BCL9L: variants seen among roughly 807,000 people sequenced by gnomAD.
BCL9L encodes BCL9 like.
A neutral mutation model predicts 99.4 loss-of-function variants in BCL9L; 19 were observed. The observed-to-expected ratio is 0.19, with a 90% CI of 0.13 to 0.28. BCL9L has a LOEUF of 0.28. Ranked by LOEUF, BCL9L falls within the 10% of genes least tolerant of loss-of-function variation. The pLI is 1.00. For missense variants in BCL9L, 2,023 were observed against 2,101.6 expected, an observed-to-expected ratio of 0.96 and a Z score of 0.73; for synonymous variants, 900 against 854.8, an observed-to-expected ratio of 1.05 and a Z score of -0.92.
chr11:118,899,292 C>G lies in BCL9L; in HGVS notation c.3623G>C (p.Gly1208Ala). Residue 1208 changes from glycine to alanine, a missense_variant, in exon 10 of 10, where the codon GGC becomes GCC. By Grantham distance (60) the Gly-to-Ala change is moderately conservative. Coordinates refer to ENST00000683865, the MANE Select transcript of BCL9L (RefSeq NM_001378213.1). ...PQNSMMMAPG[G>A]PDSLNAPCGP... ...ACAGGGGGCATTCAGGGAGTCGGGG[C>G]CCCCTGGGGCCATCATCATGGAGTT... The G allele has an allele frequency of 6.6e-7, 1 of 1,526,420 alleles. No individual in the cohort carries two copies. Among genetic ancestry groups the G allele is most frequent in the Non-Finnish European group, 8.8e-7 (1 of 1,137,618 alleles). The allele number at this position is 1,526,420 out of a possible 1,614,324, so 94.6% of individuals were successfully genotyped here.
intron 2 of BCL9L, among the ~76,000 whole-genome samples, chr11:118,917,370 T>C (rs2134436987): frequency 6.6e-6 from 1 of 152,324 alleles, no homozygotes; most frequent in East Asian, 1.9e-4. Context: ...TTCACGTGCA[T>C]CCTCTAGTTT....
chr11:118,923,818 C>T (rs1479196404), intron 1 of BCL9L, among the ~76,000 whole-genome samples: 3 of 152,190 alleles, frequency 2.0e-5, no homozygotes, highest in African/African-American at 7.2e-5. Flanking sequence ...CTGGGGGAGG[C>T]GGCACCTTCC....
Position 118,908,368 on chromosome 11 carries a change from C to T in BCL9L, c.314G>A (p.Ser105Asn), listed in dbSNP as rs376157980. ...KNPQAGVPPF[S>N]SLKGKVKRDR... Reference sequence around the variant, plus strand: ...CCTCTTCACCTTGCCCTTGAGCGAGCTGAAAGGGGGCACCCCTGCCTGGGG... The same window carrying T: ...CCTCTTCACCTTGCCCTTGAGCGAGTTGAAAGGGGGCACCCCTGCCTGGGG... Residue 105 changes from serine to asparagine, a missense_variant, in exon 4 of 10, where the codon AGC becomes AAC. Physicochemically the swap from Ser to Asn is conservative, Grantham distance 46. Transcript: ENST00000683865. The T allele has an allele frequency of 6.2e-7, 1 of 1,613,734 alleles. No homozygotes were observed. The highest frequency in any genetic ancestry group is 1.7e-5 in the Admixed American group (1 of 59,968).
intron 3 of BCL9L, 122 bp from the exon 4 acceptor site, chr11:118,908,777 C>A: frequency 1.4e-6 from 1 of 728,130 alleles, no homozygotes; most frequent in Non-Finnish European, 2.2e-6. Context: ...GGGGTGGTAT[C>A]TCAAGACCAC....
Position 118,921,944 on chromosome 11 carries a change from C to T in BCL9L, c.-130-3065G>A, listed in dbSNP as rs1485514409. ...GGAGTCAGGGGTCTTCCACAGGTTC[C>T]AGGACCCCCCACACTCAGAGCAGGC... On this transcript the variant is annotated intron_variant, in intron 1 of 9. Coordinates refer to ENST00000683865, the MANE Select transcript of BCL9L (RefSeq NM_001378213.1). The surrounding 1 kb of genome is among the most constrained non-coding windows in gnomAD (Gnocchi z 5.4). Among the ~76,000 whole-genome samples, 1 of 152,120 alleles carries T rather than the reference C, an allele frequency of 6.6e-6. No homozygotes were observed. Among genetic ancestry groups the T allele is most frequent in the East Asian group, 1.9e-4 (1 of 5,196 alleles).
rs60294474 is a variant in BCL9L at position 118,925,580 on chromosome 11, CT to C, written c.-474del. On this transcript the variant is annotated 5_prime_UTR_variant, in exon 1 of 10. Coordinates refer to ENST00000683865, the MANE Select transcript of BCL9L (RefSeq NM_001378213.1). The surrounding 1 kb of genome is among the most constrained non-coding windows in gnomAD (Gnocchi z 6.4). ...GCTCCGGCTCCTGCTCCTGCTCCTC[CT>C]TCCCTTGCTTGCTTGCTTGCTTCCT... The C allele has an allele frequency of 0.92, 138,471 of 150,506 alleles. 63,232 individuals carry two copies. The highest frequency in any genetic ancestry group is 0.95 in the South Asian group (4,578 of 4,802). The allele number at this position is 150,506 out of a possible 1,614,324, so 9.3% of individuals were successfully genotyped here.
At position 118,908,290 on chromosome 11, in the gene BCL9L, G is replaced by A. The variant is rs927232835; in HGVS notation, c.392C>T (p.Ser131Phe). 1 of 1,559,448 alleles carries A rather than the reference G, an allele frequency of 6.4e-7. No homozygotes were observed. The highest frequency in any genetic ancestry group is 1.4e-5 in the African/African-American group (1 of 73,504). ...SGEQREAGTP[S>F]LDSEAKEVAP... ...GGTACCTTTGGCCTCTGAATCCAGG[G>A]ATGGGGTCCCAGCCTCTCGCTGCTC... The change falls in exon 4 of 10, where the codon TCC (serine) becomes TTC (phenylalanine). Residue 131 changes from serine (S) to phenylalanine (F), a missense_variant. Around this residue, in one of 3 missense-constraint regions of BCL9L, gnomAD observed 1,116 missense variants for 1,194.6 expected, o/e 0.93. Transcript: ENST00000683865.
chr11:118,907,715 C>T, intron 4 of BCL9L, 113 bp from the exon 5 acceptor site: 1 of 1,485,284 alleles, frequency 6.7e-7, no homozygotes, highest in Non-Finnish European at 9.0e-7. Context: ...GAGGGCACTG[C>T]CCAGGCCATG....
intron 3 of BCL9L, among the ~76,000 whole-genome samples, chr11:118,909,377 C>T (rs565132114): frequency 5.9e-5 from 9 of 152,342 alleles, no homozygotes; most frequent in Admixed American, 2.6e-4. Flanking sequence ...TCCCCCTCCC[C>T]GGAGACCTAT....
Position 118,898,305 on chromosome 11 carries a change from C to G in BCL9L, c.*110G>C. On this transcript the variant is annotated 3_prime_UTR_variant, in exon 10 of 10. Coordinates refer to ENST00000683865, the MANE Select transcript of BCL9L (RefSeq NM_001378213.1). Reference sequence around the variant, plus strand: ...CACTCCCTACACAAGCCCCCTCCCACCCCCTCCACCCCACCCCGCGACCCA... The same window carrying G: ...CACTCCCTACACAAGCCCCCTCCCAGCCCCTCCACCCCACCCCGCGACCCA... The G allele has an allele frequency of 4.5e-6, 2 of 445,696 alleles. No homozygotes were observed. Among genetic ancestry groups the G allele is most frequent in the Non-Finnish European group, 4.0e-6 (1 of 252,672 alleles). The allele number at this position is 445,696 out of a possible 1,614,324, so 27.6% of individuals were successfully genotyped here.
chr11:118,925,900 C>T lies in BCL9L; in HGVS notation c.-793G>A, dbSNP rs188522694. On this transcript the variant is annotated 5_prime_UTR_variant, in exon 1 of 10. Transcript: ENST00000683865. The surrounding 1 kb of genome is among the most constrained non-coding windows in gnomAD (Gnocchi z 6.4). Reference sequence around the variant, plus strand: ...GCTGCCGGAGCCTCGCTTGCCCCTCCACTCGGCTCCACTCCCCAGCCTGAA... The same window carrying T: ...GCTGCCGGAGCCTCGCTTGCCCCTCTACTCGGCTCCACTCCCCAGCCTGAA... 7.6e-4 allele frequency among the ~76,000 whole-genome samples: 116 copies of T among 152,202 alleles called. No homozygotes were observed. Among genetic ancestry groups the T allele is most frequent in the Admixed American group, 1.5e-3 (23 of 15,308 alleles).
intron 2 of BCL9L, among the ~76,000 whole-genome samples, chr11:118,912,075 G>A (rs533833210): frequency 7.9e-5 from 12 of 152,322 alleles, no homozygotes; most frequent in African/African-American, 2.6e-4. Context: ...GCGTGGATGA[G>A]TCAGGACTTT....
Position 118,898,562 on chromosome 11 carries a change from G to A in BCL9L, c.4353C>T (p.His1451=). Residue 1451 remains histidine, a synonymous_variant, in exon 10 of 10, where the codon CAC becomes CAT. Coordinates refer to ENST00000683865, the MANE Select transcript of BCL9L (RefSeq NM_001378213.1). ...VGGEVYSQPP[H]MLSPQGSLMG... is the part of the protein sequence containing the mutation. ...TGAGGGAGCCCTGCGGGGAGAGCAT[G>A]TGGGGCGGCTGGCTGTAGACCTCGC... is the stretch of plus-strand genomic sequence containing the variant. 6.2e-7 allele frequency: 1 copy of A among 1,608,750 alleles called. No homozygotes were observed. Among genetic ancestry groups the A allele is most frequent in the Non-Finnish European group, 8.5e-7 (1 of 1,177,522 alleles).
Position 118,911,318 on chromosome 11 carries a change from G to A in BCL9L, c.-76-1303C>T, listed in dbSNP as rs1380194580. Reference sequence around the variant, plus strand: ...GGTGCACACTCCTGATGCTCCCTGCGGGGCTGCTGGAGGCTGGGCGGGGAC... The same window carrying A: ...GGTGCACACTCCTGATGCTCCCTGCAGGGCTGCTGGAGGCTGGGCGGGGAC... On this transcript the variant is annotated intron_variant, in intron 2 of 9. Transcript: ENST00000683865. 10 of 452,364 alleles carry A rather than the reference G, an allele frequency of 2.2e-5. No individual in the cohort carries two copies. The Admixed American group carries it at 2.4e-4, about 11-fold the overall frequency. The allele number at this position is 452,364 out of a possible 1,614,324, so 28.0% of individuals were successfully genotyped here.
intron 4 of BCL9L, 51 bp downstream of exon 4, chr11:118,908,219 G>C: frequency 6.6e-7 from 1 of 1,513,056 alleles, no homozygotes; most frequent in Non-Finnish European, 8.8e-7. Flanking sequence ...GAACATCTGA[G>C]CCTTGGACTA....
At chr11:118,919,949 C>A (rs1941094796) in intron 1 of BCL9L, among the ~76,000 whole-genome samples, 1 of 152,188 alleles carries the variant, frequency 6.6e-6, no homozygotes, top group Admixed American at 6.5e-5. Flanking sequence ...CCAGGCCCTC[C>A]CCCTGCTGGG....
intron 2 of BCL9L, among the ~76,000 whole-genome samples, chr11:118,918,279 G>GTGTGTGTCTGTGTGTGTGTGTGTC (rs1941031643): frequency 6.6e-6 from 1 of 151,316 alleles, no homozygotes; most frequent in African/African-American, 2.5e-5. Flanking sequence ...GTGTGTGTGT[G>GTGTGTGTCTGTGTGTGTGTGTGTC]TGTGTCTGTG....
At chr11:118,923,374 C>T (rs1941198157) in intron 1 of BCL9L, among the ~76,000 whole-genome samples, 1 of 152,162 alleles carries the variant, frequency 6.6e-6, no homozygotes, top group South Asian at 2.1e-4. Context: ...CCCGCTTAAC[C>T]CAGGTACCAG....
intron 5 of BCL9L, among the ~76,000 whole-genome samples, chr11:118,907,111 T>C (rs1940553851): frequency 1.3e-5 from 2 of 152,128 alleles, no homozygotes; most frequent in African/African-American, 4.8e-5. Flanking sequence ...CACCCAGGCT[T>C]AGCAGGGCTT....
Sources: allele counts gnomAD v4.1 joint callset (sites outside exome capture counted in the v4.1 genomes callset), GRCh38; gene constraint gnomAD v4.1.1; regional missense constraint gnomAD v4.1.1; non-coding constraint Gnocchi (gnomAD v3.1); transcripts MANE v1.5; gene names NCBI Gene and HGNC (gene_info 2026-07-23, HGNC 2026-07-21).